The following CDKL4 variants were observed in gnomAD, a reference collection of about 807,000 sequenced individuals.
The protein encoded by CDKL4 is cyclin dependent kinase like 4, also known as cyclin-dependent kinase-like 4.
CDKL4 carries 44 observed loss-of-function variants against 42.0 expected under a neutral mutation model. The observed-to-expected ratio is 1.05, with a 90% CI of 0.82 to 1.35. The LOEUF (loss-of-function observed/expected upper bound fraction) is 1.35. Ranked by LOEUF, CDKL4 falls within the 40% of genes most tolerant of loss-of-function variation. CDKL4 has a pLI of 0.00. For missense variants in CDKL4, 393 were observed against 369.9 expected (o/e 1.06, Z -0.51); for synonymous variants, 120 against 121.6 (o/e 0.99, Z 0.09).
intron 9 of CDKL4, 94 bp downstream of exon 9, chr2:39,179,093 T>A: frequency 6.5e-7 from 1 of 1,536,870 alleles, no homozygotes; most frequent in Non-Finnish European, 8.7e-7. Flanking sequence ...AAATGAAAGG[T>A]CTTGGTGTCC....
chr2:39,212,532 C>T (rs771425464), intron 4 of CDKL4, among the ~76,000 whole-genome samples: 3 of 151,610 alleles, frequency 2.0e-5, no homozygotes, highest in Admixed American at 6.6e-5. Flanking sequence ...CATGCCCGGC[C>T]GGAAACGGTT....
At chr2:39,225,717 A>C (rs957025034) in intron 3 of CDKL4, 122 bp downstream of exon 3, 11 of 895,830 alleles carry the variant, frequency 1.2e-5, no homozygotes, top group Non-Finnish European at 1.8e-5. Flanking sequence ...TGGATGGGGT[A>C]GCCAGATGCA....
intron 1 of CDKL4, among the ~76,000 whole-genome samples, chr2:39,239,763 C>A (rs1337828549): frequency 6.6e-6 from 1 of 152,192 alleles, no homozygotes; most frequent in African/African-American, 2.4e-5. Flanking sequence ...AGCAGCACAG[C>A]TCCATTGGAA....
intron 6 of CDKL4, among the ~76,000 whole-genome samples, chr2:39,190,035 T>C (rs965501969): frequency 4.1e-4 from 63 of 152,196 alleles, no homozygotes; most frequent in African/African-American, 1.5e-3. Context: ...TAGTCTGATA[T>C]GGAAAGTAAA....
intron 2 of CDKL4, among the ~76,000 whole-genome samples, chr2:39,227,270 G>T (rs1036882715): frequency 2.0e-5 from 3 of 152,150 alleles, no homozygotes; most frequent in Admixed American, 2.0e-4. Flanking sequence ...TACCCAGAAA[G>T]ATACTGAGAG....
chr2:39,191,120 C>T (rs1266967690), intron 5 of CDKL4, among the ~76,000 whole-genome samples: 2 of 152,078 alleles, frequency 1.3e-5, no homozygotes, highest in Admixed American at 6.6e-5. Context: ...GGCTAGAGGC[C>T]GGGCATGGTG....
At chr2:39,184,509 C>G in intron 8 of CDKL4, 82 bp downstream of exon 8, 1 of 900,390 alleles carries the variant, frequency 1.1e-6, no homozygotes, top group Non-Finnish European at 1.8e-6. Context: ...ATTATTTAAT[C>G]CACTGTCCAC....
exon 10 of CDKL4, chr2:39,175,807 A>G: frequency 3.5e-6 from 1 of 287,782 alleles, no homozygotes; most frequent in Non-Finnish European, 6.7e-6. Flanking sequence ...TTTAAAGAAA[A>G]TATTCTAAAA....
At chr2:39,180,381 C>T (rs1305339172) in intron 8 of CDKL4, among the ~76,000 whole-genome samples, 3 of 152,226 alleles carry the variant, frequency 2.0e-5, no homozygotes, top group African/African-American at 4.8e-5. Flanking sequence ...CTGCCCCAGC[C>T]GGGCACTGCC....
chr2:39,176,671 T>C (rs1675181111), intron 9 of CDKL4, among the ~76,000 whole-genome samples: 1 of 152,128 alleles, frequency 6.6e-6, no homozygotes, highest in Admixed American at 6.5e-5. Context: ...TGACCTCAGG[T>C]GATCCACCTG....
intron 4 of CDKL4, among the ~76,000 whole-genome samples, chr2:39,211,973 G>C (rs1245154329): frequency 6.6e-6 from 1 of 152,126 alleles, no homozygotes; most frequent in Non-Finnish European, 1.5e-5. Flanking sequence ...CAATTTACAG[G>C]AAATACAAGT....
At chr2:39,205,759 CA>C (rs1167041058) in intron 4 of CDKL4, among the ~76,000 whole-genome samples, 7,737 of 78,392 alleles carry the variant, frequency 0.099, 244 homozygotes, top group African/African-American at 0.27. Context: ...GACTCCGTCT[CA>C]AAAAAAAAAA....
chr2:39,221,099 C>T (rs1474163605), intron 3 of CDKL4, among the ~76,000 whole-genome samples: 1 of 147,522 alleles, frequency 6.8e-6, no homozygotes, highest in East Asian at 2.0e-4. Flanking sequence ...CTGCAATCTC[C>T]GTCTCCTGGG....
At chr2:39,241,444 A>C (rs1034833034) in intron 1 of CDKL4, among the ~76,000 whole-genome samples, 3 of 151,072 alleles carry the variant, frequency 2.0e-5, no homozygotes. Flanking sequence ...TATTACACCA[A>C]AGACATCTTT....
chr2:39,234,891 A>AT lies in CDKL4; in HGVS notation c.-56-5304dup, dbSNP rs1302925675. 2.8e-3 allele frequency among the ~76,000 whole-genome samples: 403 copies of AT among 145,062 alleles called. 3 individuals carry two copies. Among genetic ancestry groups the AT allele is most frequent in the East Asian group, 7.0e-3 (35 of 4,968 alleles). On this transcript the variant is annotated intron_variant, in intron 1 of 9. Coordinates refer to ENST00000451199, the Ensembl canonical transcript of CDKL4. Reference sequence around the variant, plus strand: ...AGCTATAGATAAACATTTAAAAAAAATTTTTTTTTTTTTTTGAGACAGGTT... The same window carrying AT: ...AGCTATAGATAAACATTTAAAAAAAATTTTTTTTTTTTTTTTGAGACAGGTT...
At chr2:39,191,338 G>T (rs1676170971) in intron 5 of CDKL4, among the ~76,000 whole-genome samples, 1 of 152,134 alleles carries the variant, frequency 6.6e-6, no homozygotes, top group African/African-American at 2.4e-5. Flanking sequence ...AGGCTGCAGT[G>T]AGCCGTGATC....
In CDKL4 at chr2:39,225,614, A is replaced by G. The variant is rs117531894; in HGVS notation, c.290+225T>C. Reference sequence around the variant, plus strand: ...AATCCAATACATAATTTAGCCTCAAATTCATTTTGATTTTATATCTGTGGT... The same window carrying G: ...AATCCAATACATAATTTAGCCTCAAGTTCATTTTGATTTTATATCTGTGGT... On this transcript the variant is annotated intron_variant, in intron 3 of 9. Transcript: ENST00000451199. 2.0e-3 allele frequency among the ~76,000 whole-genome samples: 312 copies of G among 152,262 alleles called. 10 individuals carry two copies. In the East Asian group the frequency reaches 0.048, roughly 24 times the overall value.
intron 1 of CDKL4, among the ~76,000 whole-genome samples, chr2:39,243,380 A>C (rs1476687961): frequency 2.0e-5 from 3 of 152,244 alleles, no homozygotes; most frequent in Non-Finnish European, 2.9e-5. Flanking sequence ...AAACCTGTCC[A>C]GTTGACAATA....
chr2:39,194,780 T>C (rs1172908522), intron 5 of CDKL4, among the ~76,000 whole-genome samples: 2 of 152,214 alleles, frequency 1.3e-5, no homozygotes, highest in African/African-American at 4.8e-5. Flanking sequence ...TATCTATATA[T>C]AGGAGGAGCT....
Sources: gnomAD v4.1 joint callset for allele counts (sites outside exome capture counted in the v4.1 genomes callset) on GRCh38, gnomAD v4.1.1 for gene constraint, MANE v1.5 for transcripts, NCBI Gene and HGNC (gene_info 2026-07-23, HGNC 2026-07-21) for gene names.